Variants in THSD7A observed in about 807,000 individuals in gnomAD.
THSD7A encodes thrombospondin type-1 domain-containing protein 7A.
Under a neutral mutation model 231.3 loss-of-function variants are expected in THSD7A, and 96 were observed. That is an observed-to-expected ratio of 0.41 (90% CI 0.35 to 0.49). The LOEUF (loss-of-function observed/expected upper bound fraction) is 0.49. Among genes scored for constraint, THSD7A ranks in the 20% least tolerant of loss-of-function variants. THSD7A has a pLI of 0.05. For missense variants in THSD7A, 2,290 were observed against 2,070.2 expected (o/e 1.11, Z -2.06); for synonymous variants, 940 against 743.3 (o/e 1.26, Z -4.30).
chr7:11,605,140 T>C (rs1220109390), intron 2 of THSD7A, among the ~76,000 whole-genome samples: 4 of 152,100 alleles, frequency 2.6e-5, no homozygotes, highest in East Asian at 3.9e-4. Context: ...AGAATTGACA[T>C]ATTTAAACTC....
intron 1 of THSD7A, among the ~76,000 whole-genome samples, chr7:11,702,342 A>G (rs766089687): frequency 2.0e-5 from 3 of 151,222 alleles, no homozygotes; most frequent in African/African-American, 7.3e-5. Context: ...TGTCGACAGC[A>G]TCAAGGTCCT....
At chr7:11,461,509 C>T (rs7803385) in intron 10 of THSD7A, among the ~76,000 whole-genome samples, 15,562 of 152,010 alleles carry the variant, frequency 0.1, 989 homozygotes, top group African/African-American at 0.17. Context: ...TATATAGCTT[C>T]GATAACTACA....
intron 1 of THSD7A, among the ~76,000 whole-genome samples, chr7:11,769,142 T>TATAC (rs1783133975): frequency 1.5e-5 from 1 of 64,936 alleles, no homozygotes; most frequent in African/African-American, 5.2e-5. Flanking sequence ...TATATATATA[T>TATAC]ATATATATAT....
In THSD7A at chr7:11,589,828, T is replaced by C. The variant is rs527308026; in HGVS notation, c.1453+632A>G. On this transcript the variant is annotated intron_variant, in intron 4 of 27. Coordinates refer to ENST00000423059, the MANE Select transcript of THSD7A (RefSeq NM_015204.3). ...TAGAGTCATATTAATATCTAAAATA[T>C]ATAGTTTTAGCTTGGGCCATTTTGT... Among the ~76,000 whole-genome samples the C allele has an allele frequency of 4.6e-5, 7 of 152,294 alleles. No individual in the cohort carries two copies. The East Asian group carries it at 9.6e-4, about 21-fold the overall frequency.
intron 6 of THSD7A, among the ~76,000 whole-genome samples, chr7:11,501,131 A>G (rs1787319904): frequency 6.6e-6 from 1 of 152,132 alleles, no homozygotes; most frequent in African/African-American, 2.4e-5. Flanking sequence ...TTCATAAAGC[A>G]AGTTCCTAGA....
At chr7:11,483,172 C>T (rs145256212) in intron 6 of THSD7A, among the ~76,000 whole-genome samples, 154 of 152,292 alleles carry the variant, frequency 1.0e-3, no homozygotes, top group African/African-American at 3.5e-3. Context: ...ATAGTCCAAG[C>T]TGTTTCTCAC....
intron 4 of THSD7A, among the ~76,000 whole-genome samples, chr7:11,550,892 C>A (rs1313232235): frequency 6.6e-6 from 1 of 152,026 alleles, no homozygotes; most frequent in East Asian, 1.9e-4. Flanking sequence ...ATAGCCAAAG[C>A]AACCCTAAGC....
At chr7:11,379,751 T>C (rs2107162) in intron 24 of THSD7A, 39 bp from the exon 25 acceptor site, 562,951 of 1,540,622 alleles carry the variant, frequency 0.37, 106,619 homozygotes, top group African/African-American at 0.55. Context: ...AATAATATAT[T>C]TTGCTATGAT....
At chr7:11,427,410 G>C (rs966043855) in intron 14 of THSD7A, among the ~76,000 whole-genome samples, 11 of 152,218 alleles carry the variant, frequency 7.2e-5, no homozygotes, top group African/African-American at 2.6e-4. Flanking sequence ...CCGATACCAA[G>C]TCACAATACC....
intron 1 of THSD7A, among the ~76,000 whole-genome samples, chr7:11,716,519 T>C (rs527784523): frequency 2.8e-4 from 42 of 151,838 alleles, no homozygotes; most frequent in Admixed American, 1.1e-3. Context: ...CCTACTTTAT[T>C]GTTCTTGGTT....
chr7:11,675,372 G>T (rs1178478388), intron 1 of THSD7A, among the ~76,000 whole-genome samples: 1 of 152,110 alleles, frequency 6.6e-6, no homozygotes, highest in Non-Finnish European at 1.5e-5. Context: ...AGTTGCAGGA[G>T]TTTTTCATAC....
At chr7:11,728,182 A>G (rs181071547) in intron 1 of THSD7A, among the ~76,000 whole-genome samples, 1 of 152,092 alleles carries the variant, frequency 6.6e-6, no homozygotes, top group Admixed American at 6.6e-5. Context: ...ATATATTTTT[A>G]TCTAGAAAAT....
chr7:11,829,919 A>G (rs537176474), intron 1 of THSD7A, among the ~76,000 whole-genome samples: 2 of 152,152 alleles, frequency 1.3e-5, no homozygotes, highest in East Asian at 3.9e-4. Flanking sequence ...TCATCACACT[A>G]GCTTACATTT....
intron 14 of THSD7A, 40 bp downstream of exon 14, chr7:11,428,907 A>C: frequency 6.5e-7 from 1 of 1,550,250 alleles, no homozygotes; most frequent in East Asian, 2.4e-5. Flanking sequence ...ATCATTGTGA[A>C]TCTCAACAAT....
At chr7:11,595,869 T>TAA (rs1410080543) in intron 2 of THSD7A, among the ~76,000 whole-genome samples, 3 of 152,186 alleles carry the variant, frequency 2.0e-5, no homozygotes, top group African/African-American at 7.2e-5. Context: ...ATAGCTATCG[T>TAA]AATGGACAGC....
rs1233488524 is a variant in THSD7A at position 11,406,619 on chromosome 7, C to T, written c.4063-145G>A. On this transcript the variant is annotated intron_variant, in intron 21 of 27. Transcript: ENST00000423059. The surrounding 1 kb of genome is among the most constrained non-coding windows in gnomAD (Gnocchi z 4.7). ...ACCCTAGGGAAGAAGCCCTATAGGGCACTAGCAATAAAGCATACATTGAAC... is the reference window on the plus strand; with the variant it reads ...ACCCTAGGGAAGAAGCCCTATAGGGTACTAGCAATAAAGCATACATTGAAC... 1.1e-6 allele frequency: 1 copy of T among 915,800 alleles called. No homozygotes were observed. The highest frequency in any genetic ancestry group is 1.6e-6 in the Non-Finnish European group (1 of 626,046). 56.7% of individuals were successfully genotyped at this position (915,800 alleles called of 1,614,324 possible).
intron 7 of THSD7A, among the ~76,000 whole-genome samples, chr7:11,475,703 A>G (rs1337841989): frequency 6.7e-6 from 1 of 150,190 alleles, no homozygotes; most frequent in Non-Finnish European, 1.5e-5. Context: ...CCTGGTTACT[A>G]TAATTAAAAT....
intron 6 of THSD7A, among the ~76,000 whole-genome samples, chr7:11,519,505 A>C (rs1216000377): frequency 6.6e-6 from 1 of 151,836 alleles, no homozygotes. Flanking sequence ...TGTCACTTTC[A>C]CTCCAGCAGG....
chr7:11,738,592 G>A (rs991944568), intron 1 of THSD7A, among the ~76,000 whole-genome samples: 14 of 151,856 alleles, frequency 9.2e-5, no homozygotes, highest in East Asian at 2.0e-4. Flanking sequence ...CAGAGTCCTC[G>A]CTCTAAACTG....
Sources: gnomAD v4.1 joint callset for allele counts (sites outside exome capture counted in the v4.1 genomes callset) on GRCh38, gnomAD v4.1.1 for gene constraint, Gnocchi (gnomAD v3.1) non-coding constraint, MANE v1.5 for transcripts, NCBI Gene and HGNC (gene_info 2026-07-23, HGNC 2026-07-21) for gene names.